Variants in IL1RAPL2 observed in about 807,000 individuals in gnomAD.
The protein encoded by IL1RAPL2 is interleukin 1 receptor accessory protein like 2.
A neutral mutation model predicts 44.1 loss-of-function variants in IL1RAPL2; 3 were observed. The observed-to-expected ratio is 0.07, with a 90% confidence interval of 0.03 to 0.18. The LOEUF (loss-of-function observed/expected upper bound fraction) is 0.18. Ranked by LOEUF, IL1RAPL2 falls within the 10% of genes least tolerant of loss-of-function variation. The probability of loss-of-function intolerance (pLI) is 1.00; values close to 1 mark genes in which losing one functional copy is unlikely to be tolerated. For synonymous variants in IL1RAPL2, 181 were observed against 178.8 expected (o/e 1.01, Z -0.10); for missense variants, 391 against 496.4 (o/e 0.79, Z 2.02).
chrX:104,742,767 C>A (rs1291914728), intron 2 of IL1RAPL2, among the ~76,000 whole-genome samples: 1 of 111,494 alleles, frequency 9.0e-6, no homozygotes, highest in African/African-American at 3.3e-5. Context: ...TTTCTTACCC[C>A]CAAGGGAAGC....
intron 2 of IL1RAPL2, among the ~76,000 whole-genome samples, chrX:104,986,470 T>C (rs1412179527): frequency 4.4e-5 from 5 of 112,416 alleles, no homozygotes; most frequent in Non-Finnish European, 9.4e-5. Context: ...GAGAATATAA[T>C]TTTTTGTCTG....
rs767530386 is a variant in IL1RAPL2, at chrX:105,120,289, A to G, written c.83-75186A>G. Among the ~76,000 whole-genome samples, 4 of 108,799 alleles carry G rather than the reference A, an allele frequency of 3.7e-5. No homozygotes were observed. The South Asian group carries it at 1.6e-3, about 44-fold the overall frequency. 94.5% of individuals were successfully genotyped at this position (108,799 alleles called of 115,157 possible). ...GAGAAAGGGATTAGGATCTCAAGAA[A>G]TATTTGTGTCTCTATGTGGGTGGAA... On this transcript the variant is annotated intron_variant, in intron 2 of 10. Coordinates refer to ENST00000372582, the MANE Select transcript of IL1RAPL2 (RefSeq NM_017416.2).
At chrX:105,297,896 A>G (rs2034665653) in intron 5 of IL1RAPL2, among the ~76,000 whole-genome samples, 1 of 111,373 alleles carries the variant, frequency 9.0e-6, no homozygotes, top group African/African-American at 3.3e-5. Flanking sequence ...CTGCTAAAAT[A>G]TTCCCTTTAA....
intron 5 of IL1RAPL2, among the ~76,000 whole-genome samples, chrX:105,353,037 T>C (rs2035169644): frequency 9.0e-6 from 1 of 111,338 alleles, no homozygotes; most frequent in African/African-American, 3.3e-5. Flanking sequence ...ATTGCCTAGG[T>C]TTTCTTCTAG....
intron 2 of IL1RAPL2, among the ~76,000 whole-genome samples, chrX:105,052,799 G>T (rs755480376): frequency 1.8e-5 from 2 of 109,268 alleles, no homozygotes; most frequent in South Asian, 8.2e-4. Context: ...ATGGTGGTTT[G>T]CTGCACCTAT....
intron 2 of IL1RAPL2, among the ~76,000 whole-genome samples, chrX:105,047,785 A>T (rs898337256): frequency 1.8e-5 from 2 of 111,881 alleles, no homozygotes; most frequent in Non-Finnish European, 3.8e-5. Context: ...AAAAATAGAG[A>T]TGCTAACTGA....
chrX:105,358,360 C>CT (rs398069281), intron 5 of IL1RAPL2, among the ~76,000 whole-genome samples: 5 of 87,985 alleles, frequency 5.7e-5, no homozygotes, highest in Non-Finnish European at 6.8e-5. Flanking sequence ...AAAGTTCAGT[C>CT]TTTTTTTTTT....
intron 2 of IL1RAPL2, among the ~76,000 whole-genome samples, chrX:104,893,078 G>T (rs1484928290): frequency 1.8e-5 from 2 of 111,980 alleles, no homozygotes; most frequent in Non-Finnish European, 3.8e-5. Flanking sequence ...AGGTTGTTCA[G>T]TTTCCATGTA....
chrX:104,917,005 A>C (rs2147688214), intron 2 of IL1RAPL2, among the ~76,000 whole-genome samples: 1 of 111,851 alleles, frequency 8.9e-6, no homozygotes, highest in South Asian at 3.8e-4. Flanking sequence ...ATTGATGTTC[A>C]TCAAAGATAT....
intron 2 of IL1RAPL2, among the ~76,000 whole-genome samples, chrX:105,014,590 T>C (rs1404364253): frequency 8.9e-6 from 1 of 111,990 alleles, no homozygotes; most frequent in African/African-American, 3.2e-5. Context: ...TTGTGTTAGT[T>C]TGCTGAGAAT....
chrX:105,142,065 C>G (rs2033130039), intron 2 of IL1RAPL2, among the ~76,000 whole-genome samples: 2 of 111,519 alleles, frequency 1.8e-5, no homozygotes, highest in Admixed American at 9.6e-5. Flanking sequence ...AACAAATTCT[C>G]TTTTCCCTGA....
At chrX:105,558,461 C>T (rs983701130) in intron 6 of IL1RAPL2, among the ~76,000 whole-genome samples, 3 of 111,598 alleles carry the variant, frequency 2.7e-5, no homozygotes, top group Non-Finnish European at 5.7e-5. Flanking sequence ...TCTTGATTGT[C>T]CAGAAGGGAA....
chrX:104,870,876 T>C (rs1283585773), intron 2 of IL1RAPL2, among the ~76,000 whole-genome samples: 2 of 111,345 alleles, frequency 1.8e-5, no homozygotes, highest in Admixed American at 1.9e-4. Context: ...TTTGTATATC[T>C]TATGGAATGC....
At chrX:104,734,113 A>G (rs1169817436) in intron 2 of IL1RAPL2, among the ~76,000 whole-genome samples, 2 of 112,265 alleles carry the variant, frequency 1.8e-5, no homozygotes, top group Non-Finnish European at 3.8e-5. Flanking sequence ...ATGCCTATCA[A>G]AATGGCAAAA....
At chrX:105,010,848 A>G (rs2031036451) in intron 2 of IL1RAPL2, among the ~76,000 whole-genome samples, 1 of 111,523 alleles carries the variant, frequency 9.0e-6, no homozygotes, top group African/African-American at 3.3e-5. Context: ...TGACCATAGC[A>G]TTTAAATTAT....
chrX:104,633,102 A>G (rs916330879), intron 1 of IL1RAPL2, among the ~76,000 whole-genome samples: 4 of 111,155 alleles, frequency 3.6e-5, no homozygotes, highest in African/African-American at 1.3e-4. Context: ...AGATAATCGT[A>G]TGGTTTTTGT....
Position 105,197,072 on chromosome X carries a change from T to G in IL1RAPL2, c.356+1324T>G, listed in dbSNP as rs138210040. Among the ~76,000 whole-genome samples, 525 of 111,347 alleles carry G rather than the reference T, an allele frequency of 4.7e-3. 6 individuals are homozygous for G. The highest frequency in any genetic ancestry group is 0.016 in the African/African-American group (482 of 30,611). ...TTCTGGATGCTCTAAGAATCACTTT[T>G]ATGTGTAGGGGAAGAAAATGGAGTG... On this transcript the variant is annotated intron_variant, in intron 3 of 10. Coordinates refer to ENST00000372582, the MANE Select transcript of IL1RAPL2 (RefSeq NM_017416.2).
At chrX:104,576,068 A>G (rs1416543975) in intron 1 of IL1RAPL2, among the ~76,000 whole-genome samples, 2 of 112,136 alleles carry the variant, frequency 1.8e-5, no homozygotes, top group Non-Finnish European at 3.8e-5. Context: ...GAGACTAATT[A>G]TATTCTGGGT....
chrX:104,606,234 A>C (rs1199667563), intron 1 of IL1RAPL2, among the ~76,000 whole-genome samples: 1 of 112,160 alleles, frequency 8.9e-6, no homozygotes, highest in Non-Finnish European at 1.9e-5. Flanking sequence ...GATTATATCA[A>C]TAGATGCAGA....
Sources: allele counts gnomAD v4.1 joint callset (sites outside exome capture counted in the v4.1 genomes callset), GRCh38; gene constraint gnomAD v4.1.1; transcripts MANE v1.5; gene names NCBI Gene and HGNC (gene_info 2026-07-23, HGNC 2026-07-21).